TBC1D5: variants seen among roughly 807,000 people sequenced by gnomAD.
TBC1D5 encodes TBC1 domain family member 5, also known as TBC1 domain family, member 5.
TBC1D5 carries 75 observed loss-of-function variants against 100.3 expected under a neutral mutation model. The observed-to-expected ratio is 0.75, with a 90% CI of 0.62 to 0.91. TBC1D5 has a LOEUF of 0.91. TBC1D5 is among the 40% of genes least tolerant of loss of function. The probability of loss-of-function intolerance (pLI) is 0.00; values close to 1 mark genes in which losing one functional copy is unlikely to be tolerated. For missense variants in TBC1D5, 910 were observed against 942.4 expected, an observed-to-expected ratio of 0.97 and a Z score of 0.45; for synonymous variants, 323 against 325.6, an observed-to-expected ratio of 0.99 and a Z score of 0.09.
At chr3:17,169,904 GTC>G (rs546480076) in intron 19 of TBC1D5, among the ~76,000 whole-genome samples, 3 of 152,198 alleles carry the variant, frequency 2.0e-5, no homozygotes, top group Non-Finnish European at 4.4e-5. Context: ...AGGCACTGGA[GTC>G]TCACACAAGG....
chr3:17,280,439 C>G (rs917200654), intron 15 of TBC1D5, among the ~76,000 whole-genome samples: 6 of 152,142 alleles, frequency 3.9e-5, no homozygotes, highest in Non-Finnish European at 8.8e-5. Context: ...GCCTGCCCCA[C>G]TCCTCATCCC....
intron 2 of TBC1D5, among the ~76,000 whole-genome samples, chr3:17,517,402 C>T (rs2153276233): frequency 6.6e-6 from 1 of 152,270 alleles, no homozygotes; most frequent in Non-Finnish European, 1.5e-5. Context: ...GTTTTAACTT[C>T]AGGAAATTTC....
At chr3:17,194,395 T>G (rs1406786730) in intron 18 of TBC1D5, among the ~76,000 whole-genome samples, 2 of 152,196 alleles carry the variant, frequency 1.3e-5, no homozygotes, top group Non-Finnish European at 2.9e-5. Context: ...CCAATCTCCC[T>G]GAGTTAGTTT....
intron 8 of TBC1D5, among the ~76,000 whole-genome samples, chr3:17,384,584 G>T (rs945634915): frequency 1.3e-4 from 19 of 151,966 alleles, no homozygotes; most frequent in African/African-American, 4.6e-4. Flanking sequence ...ATGTATAAGG[G>T]CCGAGGGAAT....
chr3:17,559,523 G>A (rs988646921), intron 2 of TBC1D5, among the ~76,000 whole-genome samples: 9 of 151,824 alleles, frequency 5.9e-5, no homozygotes, highest in African/African-American at 2.2e-4. Flanking sequence ...TATGTAAGAG[G>A]AGATAAAGAT....
intron 15 of TBC1D5, among the ~76,000 whole-genome samples, chr3:17,282,431 G>T (rs1222433647): frequency 2.0e-5 from 3 of 152,158 alleles, no homozygotes; most frequent in Non-Finnish European, 2.9e-5. Context: ...CAAATAAAAT[G>T]GAGGAGATTG....
At chr3:17,645,614 T>C (rs759353480) in intron 1 of TBC1D5, among the ~76,000 whole-genome samples, 4 of 152,134 alleles carry the variant, frequency 2.6e-5, no homozygotes, top group Non-Finnish European at 5.9e-5. Flanking sequence ...TTTAGTTTCC[T>C]TTCTAGGCTT....
chr3:17,582,683 CAA>C (rs141006663), intron 2 of TBC1D5, among the ~76,000 whole-genome samples: 42 of 82,058 alleles, frequency 5.1e-4, no homozygotes, highest in African/African-American at 1.2e-3. Flanking sequence ...AGTATGCTAT[CAA>C]AAAAAAAAAA....
chr3:17,529,413 T>C (rs1414625538), intron 2 of TBC1D5, among the ~76,000 whole-genome samples: 1 of 152,124 alleles, frequency 6.6e-6, no homozygotes, highest in East Asian at 1.9e-4. Flanking sequence ...CCACCACCAC[T>C]AGATTAGTTC....
chr3:17,161,269 G>A lies in TBC1D5; in HGVS notation c.2095-13C>T, dbSNP rs773071579. 6 of 1,599,244 alleles carry A rather than the reference G, an allele frequency of 3.8e-6. No individual in the cohort carries two copies. Among genetic ancestry groups the A allele is most frequent in the African/African-American group, 1.3e-5 (1 of 74,536 alleles). ...TTTCTGAAGAGGCCTGTGAAGTACA[G>A]TCAGAAGTACAGGTGGATGAAAGAA... is the stretch of plus-strand genomic sequence containing the variant. On this transcript the variant is annotated splice_polypyrimidine_tract_variant and intron_variant, in intron 21 of 21. Coordinates refer to ENST00000253692, the Ensembl canonical transcript of TBC1D5.
chr3:17,737,839 C>T (rs1360259921), intron 1 of TBC1D5, among the ~76,000 whole-genome samples: 1 of 138,690 alleles, frequency 7.2e-6, no homozygotes, highest in African/African-American at 2.6e-5. Context: ...AAAAAAAAAA[C>T]CCAGTTAACA....
At chr3:17,408,244 T>C (rs1045198135) in intron 4 of TBC1D5, among the ~76,000 whole-genome samples, 3 of 148,288 alleles carry the variant, frequency 2.0e-5, no homozygotes, top group East Asian at 4.1e-4. Flanking sequence ...CAAAAATACA[T>C]GAAAAGCCCT....
intron 9 of TBC1D5, among the ~76,000 whole-genome samples, chr3:17,380,310 T>G (rs1483129577): frequency 6.6e-6 from 1 of 152,086 alleles, no homozygotes; most frequent in Admixed American, 6.6e-5. Context: ...AAAACTATTT[T>G]ACAAGCTCAG....
chr3:17,387,331 C>G (rs2093193242), intron 8 of TBC1D5, among the ~76,000 whole-genome samples: 1 of 152,058 alleles, frequency 6.6e-6, no homozygotes, highest in African/African-American at 2.4e-5. Flanking sequence ...AACAGAACAG[C>G]AGCACTTTCC....
At chr3:17,508,053 T>TAA (rs202095614) in intron 3 of TBC1D5, among the ~76,000 whole-genome samples, 123 of 148,084 alleles carry the variant, frequency 8.3e-4, no homozygotes, top group African/African-American at 2.9e-3. Context: ...TCAATTACTT[T>TAA]AAAAAAAAAA....
At chr3:17,490,652 T>A (rs2095628475) in intron 3 of TBC1D5, among the ~76,000 whole-genome samples, 3 of 152,226 alleles carry the variant, frequency 2.0e-5, no homozygotes, top group African/African-American at 7.2e-5. Flanking sequence ...CTGAGTTCTC[T>A]ATTCTGTTCC....
At chr3:17,590,645 G>A (rs2096760808) in intron 2 of TBC1D5, among the ~76,000 whole-genome samples, 1 of 152,106 alleles carries the variant, frequency 6.6e-6, no homozygotes, top group South Asian at 2.1e-4. Context: ...TCTAACAGTG[G>A]GAACCGCAGT....
At chr3:17,454,463 T>G (rs1343543863) in intron 3 of TBC1D5, among the ~76,000 whole-genome samples, 1 of 152,152 alleles carries the variant, frequency 6.6e-6, no homozygotes, top group African/African-American at 2.4e-5. Context: ...ATAGCATCTT[T>G]TTTCTTTTTT....
chr3:17,665,106 A>C, intron 1 of TBC1D5: 1 of 150,050 alleles, frequency 6.7e-6, no homozygotes, highest in East Asian at 2.0e-4. Flanking sequence ...TCTCAGTGGC[A>C]GGTCTTAGCC....
Sources: allele counts gnomAD v4.1 joint callset (sites outside exome capture counted in the v4.1 genomes callset), GRCh38; gene constraint gnomAD v4.1.1; transcripts MANE v1.5; gene names NCBI Gene and HGNC (gene_info 2026-07-23, HGNC 2026-07-21).